The following ADCY8 variants were observed in gnomAD, a reference collection of about 807,000 sequenced individuals.
The protein encoded by ADCY8 is adenylate cyclase type 8.
A neutral mutation model predicts 119.7 loss-of-function variants in ADCY8; 51 were observed. The observed-to-expected ratio is 0.43, with a 90% CI of 0.34 to 0.54. The LOEUF (loss-of-function observed/expected upper bound fraction) is 0.54. Among genes scored for constraint, ADCY8 ranks in the 20% least tolerant of loss-of-function variants. The probability of loss-of-function intolerance (pLI) is 0.03; values close to 1 mark genes in which losing one functional copy is unlikely to be tolerated. For missense variants in ADCY8, 1,383 were observed against 1,598.8 expected (o/e 0.87, Z 2.30); for synonymous variants, 665 against 651.0 (o/e 1.02, Z -0.33).
rs758558481 is a variant in ADCY8, at chr8:130,884,644, A to G, written c.2029T>C (p.Leu677=). ...INKRIEHTID[L]RSGDKLRREH... ...CTTCTCAATTTATCGCCACTCCGCAAGTCGATGGTATGTTCTATTCTCTTG... is the reference window on the plus strand; with the variant it reads ...CTTCTCAATTTATCGCCACTCCGCAGGTCGATGGTATGTTCTATTCTCTTG... The change falls in exon 8 of 18, where the codon TTG becomes CTG. Residue 677 remains leucine (L), a synonymous_variant. Transcript: ENST00000286355. 13 of 1,613,926 alleles carry G rather than the reference A, an allele frequency of 8.1e-6. No homozygotes were observed. In the South Asian group the frequency reaches 1.1e-4, roughly 14 times the overall value.
At chr8:131,032,912 C>A (rs1042765518) in intron 1 of ADCY8, among the ~76,000 whole-genome samples, 1 of 152,182 alleles carries the variant, frequency 6.6e-6, no homozygotes, top group Non-Finnish European at 1.5e-5. Flanking sequence ...CTTTATATAA[C>A]TCACTCTTTT....
intron 8 of ADCY8, among the ~76,000 whole-genome samples, chr8:130,876,282 C>T (rs1358568135): frequency 6.6e-6 from 1 of 152,082 alleles, no homozygotes; most frequent in Non-Finnish European, 1.5e-5. Flanking sequence ...AACTCCTGAC[C>T]TCAAGTGATC....
intron 12 of ADCY8, among the ~76,000 whole-genome samples, chr8:130,826,687 T>C (rs537101730): frequency 6.6e-6 from 1 of 151,814 alleles, no homozygotes; most frequent in East Asian, 1.9e-4. Context: ...TGGAGACCTC[T>C]GAGAAGCCCC....
intron 2 of ADCY8, among the ~76,000 whole-genome samples, chr8:130,980,215 G>A (rs1425495987): frequency 1.3e-5 from 2 of 152,118 alleles, no homozygotes; most frequent in Non-Finnish European, 2.9e-5. Context: ...CAGTGATATT[G>A]AATTAAGGCC....
intron 14 of ADCY8, among the ~76,000 whole-genome samples, chr8:130,804,252 A>T (rs1815874212): frequency 6.6e-6 from 1 of 152,178 alleles, no homozygotes; most frequent in East Asian, 1.9e-4. Context: ...AGAGGCTGGA[A>T]GTCTAAGTTC....
chr8:130,824,022 G>C (rs1816597936), intron 12 of ADCY8, among the ~76,000 whole-genome samples: 1 of 152,112 alleles, frequency 6.6e-6, no homozygotes, highest in African/African-American at 2.4e-5. Context: ...TTATTTTACA[G>C]GTAGAGACTG....
At chr8:130,901,021 C>A (rs1224453821) in intron 7 of ADCY8, among the ~76,000 whole-genome samples, 1 of 152,140 alleles carries the variant, frequency 6.6e-6, no homozygotes, top group Non-Finnish European at 1.5e-5. Context: ...AGCAAAAAAT[C>A]TAGAATTCAA....
Position 130,909,820 on chromosome 8 carries a change from T to C in ADCY8, c.1528A>G (p.Ile510Val). ...TKHDVDMRIG[I>V]HSGSVLCGVL... ...CCGCACAGCACCGAGCCGGAGTGGA[T>C]TCCAATCCTCATGTCAACATCGTGT... The change falls in exon 6 of 18, where the codon ATC (isoleucine) becomes GTC (valine). Residue 510 changes from isoleucine to valine, a missense_variant. Coordinates refer to ENST00000286355, the MANE Select transcript of ADCY8 (RefSeq NM_001115.3). 6.2e-7 allele frequency: 1 copy of C among 1,614,194 alleles called. No individual in the cohort carries two copies. The highest frequency in any genetic ancestry group is 8.5e-7 in the Non-Finnish European group (1 of 1,180,030).
At position 130,825,578 on chromosome 8, in the gene ADCY8, T is replaced by G. The variant is rs1379418303; in HGVS notation, c.2676-4158A>C. 2.6e-5 allele frequency among the ~76,000 whole-genome samples: 4 copies of G among 152,192 alleles called. No homozygotes were observed. The East Asian group carries it at 7.7e-4, about 29-fold the overall frequency. On this transcript the variant is annotated intron_variant, in intron 12 of 17. Transcript: ENST00000286355. ...CTTGGCCCAAGTGAAGTAGTTTCCA[T>G]CATAAACCTGGAAAAGTTCCTGTTT...
chr8:130,962,126 T>C (rs2130685399), intron 2 of ADCY8, among the ~76,000 whole-genome samples: 1 of 152,352 alleles, frequency 6.6e-6, no homozygotes, highest in African/African-American at 2.4e-5. Flanking sequence ...CCAGTTGTGC[T>C]ACTGGCAATC....
At chr8:130,876,923 T>C (rs866073382) in intron 8 of ADCY8, among the ~76,000 whole-genome samples, 2 of 152,130 alleles carry the variant, frequency 1.3e-5, no homozygotes, top group African/African-American at 2.4e-5. Flanking sequence ...AGTGGTAGAA[T>C]AGCTTGGGAG....
At chr8:130,972,344 A>G (rs1187099811) in intron 2 of ADCY8, among the ~76,000 whole-genome samples, 1 of 152,184 alleles carries the variant, frequency 6.6e-6, no homozygotes, top group African/African-American at 2.4e-5. Flanking sequence ...GTCATCTCTC[A>G]TCATGTGTGT....
At chr8:131,020,195 T>A (rs1823620175) in intron 1 of ADCY8, among the ~76,000 whole-genome samples, 1 of 152,152 alleles carries the variant, frequency 6.6e-6, no homozygotes, top group African/African-American at 2.4e-5. Flanking sequence ...AATAAGGAGC[T>A]ATTGGCAGTT....
chr8:131,005,161 A>G (rs1823074601), intron 1 of ADCY8, among the ~76,000 whole-genome samples: 1 of 152,222 alleles, frequency 6.6e-6, no homozygotes, highest in African/African-American at 2.4e-5. Flanking sequence ...AATGAAGCAG[A>G]ACTTGTCAAA....
intron 1 of ADCY8, among the ~76,000 whole-genome samples, chr8:131,021,864 T>C (rs1401253138): frequency 6.6e-6 from 1 of 152,236 alleles, no homozygotes; most frequent in African/African-American, 2.4e-5. Context: ...TATGTCCTTA[T>C]AGCTGTGTGA....
At chr8:130,977,301 C>T (rs1262852076) in intron 2 of ADCY8, among the ~76,000 whole-genome samples, 2 of 152,162 alleles carry the variant, frequency 1.3e-5, no homozygotes, top group Non-Finnish European at 1.5e-5. Context: ...TACTTATACT[C>T]GAAAAACAGA....
At chr8:130,917,798 G>A (rs994739581) in intron 5 of ADCY8, among the ~76,000 whole-genome samples, 4 of 150,532 alleles carry the variant, frequency 2.7e-5, no homozygotes, top group Non-Finnish European at 4.4e-5. Flanking sequence ...TGTGTTGGGG[G>A]TGAAACCATT....
chr8:130,975,178 T>C (rs1441329602), intron 2 of ADCY8, among the ~76,000 whole-genome samples: 1 of 152,138 alleles, frequency 6.6e-6, no homozygotes, highest in Non-Finnish European at 1.5e-5. Flanking sequence ...TAATCAACAC[T>C]CTCAAAAATC....
At chr8:130,812,659 C>T (rs1023843953) in intron 14 of ADCY8, among the ~76,000 whole-genome samples, 4 of 152,216 alleles carry the variant, frequency 2.6e-5, no homozygotes, top group Admixed American at 1.3e-4. Flanking sequence ...ATGAGACTCC[C>T]AGCACCTTGA....
Sources: allele counts gnomAD v4.1 joint callset (sites outside exome capture counted in the v4.1 genomes callset), GRCh38; gene constraint gnomAD v4.1.1; transcripts MANE v1.5; gene names NCBI Gene and HGNC (gene_info 2026-07-23, HGNC 2026-07-21).